Variants in STRA6 observed in about 807,000 individuals in gnomAD.
STRA6 encodes the protein signaling receptor and transporter of retinol STRA6, also known as receptor for retinol uptake STRA6.
In STRA6, 48 loss-of-function variants were observed where a neutral mutation model predicts 83.6. That is an observed-to-expected ratio of 0.57 (90% CI 0.46 to 0.73). The LOEUF (loss-of-function observed/expected upper bound fraction) is 0.73, where lower values mean the gene tolerates loss of function less well. Among genes scored for constraint, STRA6 ranks in the 30% least tolerant of loss-of-function variants. The pLI is 0.00. For missense variants in STRA6, 760 were observed against 838.8 expected, an observed-to-expected ratio of 0.91 and a Z score of 1.16; for synonymous variants, 353 against 362.3, an observed-to-expected ratio of 0.97 and a Z score of 0.29.
chr15:74,190,266 G>A (rs2073464886), intron 11 of STRA6, among the ~76,000 whole-genome samples: 1 of 152,206 alleles, frequency 6.6e-6, no homozygotes, highest in Admixed American at 6.5e-5. Context: ...AAGCTGGACA[G>A]ACTTGGATTC....
chr15:74,202,345 A>C (rs550623591), intron 1 of STRA6, 63 bp from the exon 2 acceptor site: 1 of 1,528,988 alleles, frequency 6.5e-7, no homozygotes, highest in African/African-American at 1.4e-5. Context: ...TTAAAAGAGA[A>C]AAAAAAAGAA....
At chr15:74,206,211 G>A (rs2074258191), upstream of STRA6, among the ~76,000 whole-genome samples, 2 of 152,154 alleles carry the variant, frequency 1.3e-5, no homozygotes, top group Admixed American at 1.3e-4. Flanking sequence ...CCTCCCACCT[G>A]CCCCCTCCTG....
chr15:74,201,758 A>G (rs1417112047), intron 2 of STRA6, among the ~76,000 whole-genome samples: 1 of 152,076 alleles, frequency 6.6e-6, no homozygotes, highest in African/African-American at 2.4e-5. Flanking sequence ...ACCACACCCA[A>G]ATGCTCACCA....
upstream of STRA6, chr15:74,207,678 G>A: frequency 6.5e-7 from 1 of 1,533,414 alleles, no homozygotes; most frequent in Non-Finnish European, 8.7e-7. Context: ...AGGAGTGGGG[G>A]GATGGCCACT....
At chr15:74,209,698 C>T (rs1392653313), upstream of STRA6, 1 of 498,160 alleles carries the variant, frequency 2.0e-6, no homozygotes, top group Non-Finnish European at 3.6e-6. Context: ...CCCCCCTCAC[C>T]TGAGCACAGG....
Position 74,202,149 on chromosome 15 carries a change from A to G in STRA6, c.113+6T>C, listed in dbSNP as rs751977182. On this transcript the variant is annotated splice_donor_region_variant and intron_variant, in intron 2 of 18. Transcript: ENST00000395105. ...ACAGAGTGAGGTGGGGTGGTTCCAC[A>G]CTTACCCCTCTGGCTGGAGCTCCTC... 6.7e-7 allele frequency: 1 copy of G among 1,499,254 alleles called. No individual in the cohort carries two copies. Among genetic ancestry groups the G allele is most frequent in the Non-Finnish European group, 8.9e-7 (1 of 1,126,244 alleles). 92.9% of individuals were successfully genotyped at this position (1,499,254 alleles called of 1,614,324 possible). A position where few individuals can be genotyped will look rare whatever the true frequency, so the allele number is the denominator to read the frequency against.
At chr15:74,202,082 T>C in intron 2 of STRA6, 73 bp downstream of exon 2, 2 of 1,381,082 alleles carry the variant, frequency 1.4e-6, no homozygotes, top group Non-Finnish European at 1.9e-6. Context: ...AGCTGCTCCC[T>C]GGCCAGTTGC....
In STRA6 at chr15:74,189,253, C is replaced by A; in HGVS notation, c.952G>T (p.Val318Leu). Residue 318 changes from valine (V) to leucine (L), a missense_variant, in exon 12 of 19, where the codon GTG becomes TTG. Transcript: ENST00000395105. ...YQVALLLLVGVVPTIQKVRAG... is the reference protein window; with the variant it reads ...YQVALLLLVGLVPTIQKVRAG... ...CTCACCTTCTGGATAGTGGGTACCA[C>A]GCCCACCAGCAGCAGCAGGGCCACC... 2.5e-6 allele frequency: 4 copies of A among 1,603,806 alleles called. No homozygotes were observed. Among genetic ancestry groups the A allele is most frequent in the Non-Finnish European group, 3.4e-6 (4 of 1,175,506 alleles).
At chr15:74,186,476 C>T (rs186931881) in intron 12 of STRA6, among the ~76,000 whole-genome samples, 191 of 152,198 alleles carry the variant, frequency 1.3e-3, no homozygotes, top group South Asian at 3.1e-3. Flanking sequence ...GGCCTGGTGG[C>T]GGGCCCCTGT....
intron 2 of STRA6, among the ~76,000 whole-genome samples, chr15:74,199,873 G>A (rs2073980054): frequency 6.6e-6 from 1 of 152,252 alleles, no homozygotes; most frequent in African/African-American, 2.4e-5. Flanking sequence ...GAAGGATGCA[G>A]AGGAGGGAGA....
At chr15:74,195,922 T>C in intron 5 of STRA6, 86 bp downstream of exon 5, 1 of 1,579,568 alleles carries the variant, frequency 6.3e-7, no homozygotes, top group South Asian at 1.1e-5. Flanking sequence ...GTTACTCTCA[T>C]CTCCTTGAGC....
chr15:74,181,340 T>C lies in STRA6; in HGVS notation c.1639A>G (p.Met547Val), dbSNP rs1188568906. The change falls in exon 17 of 19, where the codon ATG becomes GTG. Residue 547 changes from methionine (M) to valine (V), a missense_variant. Coordinates refer to ENST00000395105, the MANE Select transcript of STRA6 (RefSeq NM_022369.4). ...ALYNAIHLGQ[M>V]DLSLLPPRAA... ...CTCGGTGGCAGCAGGCTGAGGTCCA[T>C]CTGGCCAAGGTGGATGGCGTTGTAG... The C allele has an allele frequency of 6.2e-7, 1 of 1,603,234 alleles. No homozygotes were observed. The highest frequency in any genetic ancestry group is 8.5e-7 in the Non-Finnish European group (1 of 1,175,742).
rs761712064 is a variant in STRA6, at chr15:74,197,758, C to T, written c.174G>A (p.Ser58=). The change falls in exon 3 of 19, where the codon TCG becomes TCA. Residue 58 remains serine, a synonymous_variant. Coordinates refer to ENST00000395105, the MANE Select transcript of STRA6 (RefSeq NM_022369.4). Reference sequence around the variant, plus strand: ...CAACTTGGGTTGGACTCACTGACAGCGAGGCCAGGCAGGCGTGGTACAGGC... The same window carrying T: ...CAACTTGGGTTGGACTCACTGACAGTGAGGCCAGGCAGGCGTGGTACAGGC... ...PPGLYHACLA[S]LSILVLLLLA... is the part of the protein sequence containing the mutation. 4 of 1,613,252 alleles carry T rather than the reference C, an allele frequency of 2.5e-6. No homozygotes were observed. Among genetic ancestry groups the T allele is most frequent in the East Asian group, 2.2e-5 (1 of 44,860 alleles).
upstream of STRA6, chr15:74,202,895 A>C: frequency 1.0e-6 from 1 of 995,586 alleles, no homozygotes; most frequent in Non-Finnish European, 1.2e-6. Context: ...AATCCTTGAC[A>C]AAGCCCCCCT....
In STRA6 at chr15:74,188,128, T is replaced by C. The variant is rs1024384849; in HGVS notation, c.1090+987A>G. 6.6e-6 allele frequency among the ~76,000 whole-genome samples: 1 copy of C among 152,170 alleles called. No individual in the cohort carries two copies. Among genetic ancestry groups the C allele is most frequent in the East Asian group, 1.9e-4 (1 of 5,186 alleles). On this transcript the variant is annotated intron_variant, in intron 12 of 18. Transcript: ENST00000395105. The surrounding 1 kb of genome is among the most constrained non-coding windows in gnomAD (Gnocchi z 4.5). ...ACGGGAACTGAGGTGCTCACGGAGA[T>C]GGTGGAGGTGGTCAGGGAAGGAAGT...
In STRA6 at chr15:74,193,904, G is replaced by A. The variant is rs771644830; in HGVS notation, c.616C>T (p.Leu206=). 6.2e-7 allele frequency: 1 copy of A among 1,613,664 alleles called. No individual in the cohort carries two copies. Among genetic ancestry groups the A allele is most frequent in the South Asian group, 1.1e-5 (1 of 91,074 alleles). The change falls in exon 8 of 19, where the codon CTG becomes TTG. Residue 206 remains leucine, a synonymous_variant. Transcript: ENST00000395105. The stretch of plus-strand genomic sequence containing the variant: ...AGCAGGAGAGGCAGGGAGGCCAGCA[G>A]GGAGTAGTACTTGTAGATCTGGACA... ...QVPKIYKYYS[L]LASLPLLLGL...
upstream of STRA6, among the ~76,000 whole-genome samples, chr15:74,211,535 G>A (rs1258944619): frequency 6.6e-6 from 1 of 151,798 alleles, no homozygotes; most frequent in Non-Finnish European, 1.5e-5. Flanking sequence ...CGAGTAGCTC[G>A]GATTACAGGC....
chr15:74,199,954 C>T (rs996592212), intron 2 of STRA6, among the ~76,000 whole-genome samples: 1 of 152,184 alleles, frequency 6.6e-6, no homozygotes, highest in East Asian at 1.9e-4. Flanking sequence ...CAGTGGCTCA[C>T]GCCTATAATC....
chr15:74,186,540 G>A (rs1307317429), intron 12 of STRA6, among the ~76,000 whole-genome samples: 3 of 152,288 alleles, frequency 2.0e-5, no homozygotes, highest in East Asian at 3.9e-4. Context: ...CCTGAGAGAC[G>A]GAGGTTGCAG....
Sources: allele counts gnomAD v4.1 joint callset (sites outside exome capture counted in the v4.1 genomes callset), GRCh38; gene constraint gnomAD v4.1.1; non-coding constraint Gnocchi (gnomAD v3.1); transcripts MANE v1.5; gene names NCBI Gene and HGNC (gene_info 2026-07-23, HGNC 2026-07-21).